The following UGT2B7 variants were observed in gnomAD, a reference collection of about 807,000 sequenced individuals.
UGT2B7 encodes the protein UDP glucuronosyltransferase family 2 member B7, also known as UDP-glucuronosyltransferase 2B7.
UGT2B7 carries 51 observed loss-of-function variants against 51.9 expected under a neutral mutation model. That is an observed-to-expected ratio of 0.98 (90% CI 0.78 to 1.24). UGT2B7 has a LOEUF of 1.24. UGT2B7 is among the 50% of genes most tolerant of loss of function. The probability of loss-of-function intolerance (pLI) is 0.00; values close to 1 mark genes in which losing one functional copy is unlikely to be tolerated. For synonymous variants in UGT2B7, 225 were observed against 211.6 expected, an observed-to-expected ratio of 1.06 and a Z score of -0.55; for missense variants, 727 against 628.4, an observed-to-expected ratio of 1.16 and a Z score of -1.68.
At position 69,108,300 on chromosome 4, in the gene UGT2B7, A is replaced by C. The variant is rs34851008; in HGVS notation, c.1288A>C (p.Lys430Gln). ...MSSTDLLNALKRVINDPSYKE... is the reference protein window; with the variant it reads ...MSSTDLLNALQRVINDPSYKE... ...GAGTACAGACTTGCTGAATGCATTGAAGAGAGTAATTAATGATCCTTCGTG... is the reference window on the plus strand; with the variant it reads ...GAGTACAGACTTGCTGAATGCATTGCAGAGAGTAATTAATGATCCTTCGTG... Residue 430 changes from lysine (K) to glutamine (Q), a missense_variant, in exon 5 of 6, where the codon AAG becomes CAG. Transcript: ENST00000305231. 40 of 1,613,394 alleles carry C rather than the reference A, an allele frequency of 2.5e-5. No individual in the cohort carries two copies. In the African/African-American group the frequency reaches 4.9e-4, roughly 20 times the overall value.
At chr4:69,063,164 A>G (rs941681924) in intron 1 of UGT2B7, among the ~76,000 whole-genome samples, 10 of 151,120 alleles carry the variant, frequency 6.6e-5, no homozygotes, top group African/African-American at 2.4e-4. Flanking sequence ...CTAAAAATAC[A>G]AAAAATTAGC....
intron 1 of UGT2B7, chr4:69,069,891 C>A (rs1381116601): frequency 2.0e-5 from 3 of 152,038 alleles, no homozygotes; most frequent in African/African-American, 7.2e-5. Flanking sequence ...GAGAGTACAT[C>A]TTTTTGAGAT....
intron 1 of UGT2B7, among the ~76,000 whole-genome samples, chr4:69,058,112 CAGG>C (rs1718249801): frequency 6.6e-6 from 1 of 152,196 alleles, no homozygotes; most frequent in South Asian, 2.1e-4. Flanking sequence ...GGGAAAGTCA[CAGG>C]AGCTTGTAGC....
chr4:69,090,793 T>C (rs1719068839), intron 2 of UGT2B7, among the ~76,000 whole-genome samples: 1 of 152,232 alleles, frequency 6.6e-6, no homozygotes, highest in Admixed American at 6.5e-5. Flanking sequence ...GTCTTGACTT[T>C]ACATGCCAAT....
chr4:69,060,054 G>C (rs1718309341), intron 1 of UGT2B7, among the ~76,000 whole-genome samples: 1 of 152,176 alleles, frequency 6.6e-6, no homozygotes, highest in Non-Finnish European at 1.5e-5. Context: ...CTTTGAAGAG[G>C]CACAGGCCTC....
chr4:69,075,351 C>CT (rs1718680196), intron 1 of UGT2B7, among the ~76,000 whole-genome samples: 1 of 151,736 alleles, frequency 6.6e-6, no homozygotes, highest in Admixed American at 6.6e-5. Flanking sequence ...TGTCTCTGTT[C>CT]GTCTGTCTGT....
intron 1 of UGT2B7, among the ~76,000 whole-genome samples, chr4:69,078,097 CT>C (rs924742625): frequency 1.3e-5 from 2 of 151,610 alleles, no homozygotes; most frequent in East Asian, 1.9e-4. Context: ...TCATGGATTC[CT>C]TTTTTTGATT....
In UGT2B7 at chr4:69,107,245, C is replaced by A; in HGVS notation, c.1073C>A (p.Pro358His). ...GLNTRLYKWI[P>H]QNDLLGHPKT... is the part of the protein sequence containing the mutation. The stretch of plus-strand genomic sequence containing the variant: ...AATACTCGGCTCTACAAGTGGATAC[C>A]CCAGAATGACCTTCTAGGTAAGACT... Residue 358 changes from proline to histidine, a missense_variant, in exon 4 of 6, where the codon CCC (proline) becomes CAC (histidine). Transcript: ENST00000305231. The A allele has an allele frequency of 2.5e-6, 4 of 1,607,892 alleles. No individual in the cohort carries two copies. Among genetic ancestry groups the A allele is most frequent in the Non-Finnish European group, 2.6e-6 (3 of 1,176,372 alleles).
chr4:69,095,653 A>C (rs1719203147), upstream of UGT2B7, among the ~76,000 whole-genome samples: 1 of 152,220 alleles, frequency 6.6e-6, no homozygotes, highest in African/African-American at 2.4e-5. Context: ...TTAATGCTGA[A>C]TGTACTACAA....
chr4:69,061,580 G>T (rs1387141916), intron 1 of UGT2B7, among the ~76,000 whole-genome samples: 1 of 152,184 alleles, frequency 6.6e-6, no homozygotes, highest in Non-Finnish European at 1.5e-5. Context: ...GAAGATGGTG[G>T]AAATTCTCCA....
At chr4:69,062,391 A>G (rs1448344300) in intron 1 of UGT2B7, among the ~76,000 whole-genome samples, 1 of 152,248 alleles carries the variant, frequency 6.6e-6, no homozygotes, top group Non-Finnish European at 1.5e-5. Flanking sequence ...GTATATGGCT[A>G]AGCGCAGGAA....
intron 1 of UGT2B7, among the ~76,000 whole-genome samples, chr4:69,053,580 G>A (rs1293740948): frequency 1.3e-5 from 2 of 152,176 alleles, no homozygotes; most frequent in Non-Finnish European, 2.9e-5. Flanking sequence ...ACAGCCTGGA[G>A]TAATAAGTCA....
chr4:69,077,507 G>C (rs1032148816), intron 1 of UGT2B7, among the ~76,000 whole-genome samples: 7 of 151,988 alleles, frequency 4.6e-5, no homozygotes, highest in African/African-American at 1.7e-4. Flanking sequence ...CACATCCCTT[G>C]TAAGTTGTAT....
intron 1 of UGT2B7, among the ~76,000 whole-genome samples, chr4:69,079,647 AT>A (rs886276229): frequency 2.0e-5 from 3 of 152,170 alleles, no homozygotes; most frequent in African/African-American, 7.2e-5. Context: ...CATTCTTAAC[AT>A]TTGTAAACCA....
At chr4:69,067,097 T>C (rs1047402410) in intron 1 of UGT2B7, among the ~76,000 whole-genome samples, 16 of 152,082 alleles carry the variant, frequency 1.1e-4, no homozygotes, top group African/African-American at 3.9e-4. Flanking sequence ...AGGGTGGTAA[T>C]GGGAAATGGG....
intron 1 of UGT2B7, among the ~76,000 whole-genome samples, chr4:69,055,098 T>TAAAAAAAAAAAAA (rs1178892377): frequency 1.3e-4 from 3 of 22,562 alleles, no homozygotes; most frequent in African/African-American, 6.0e-4. Flanking sequence ...AAGTAATAGC[T>TAAAAAAAAAAAAA]AAAAAAAAAA....
rs1222590427 is a variant in UGT2B7, at chr4:69,102,882, A to T, written c.946A>T (p.Met316Leu). The change falls in exon 3 of 6, where the codon ATG becomes TTG. Residue 316 changes from methionine (M) to leucine (L), a missense_variant. Met to Leu is a conservative substitution (Grantham distance 15). Transcript: ENST00000305231. ...VFSLGSMVSN[M>L]TEERANVIAS... Reference sequence around the variant, plus strand: ...TTCTCTGGGGTCAATGGTCAGTAACATGACAGAAGAAAGGGCCAACGTAAT... The same window carrying T: ...TTCTCTGGGGTCAATGGTCAGTAACTTGACAGAAGAAAGGGCCAACGTAAT... 6.2e-7 allele frequency: 1 copy of T among 1,613,688 alleles called. No homozygotes were observed. Among genetic ancestry groups the T allele is most frequent in the Non-Finnish European group, 8.5e-7 (1 of 1,179,724 alleles).
chr4:69,054,743 C>A (rs992407677), intron 1 of UGT2B7, among the ~76,000 whole-genome samples: 1 of 151,992 alleles, frequency 6.6e-6, no homozygotes, highest in Admixed American at 6.6e-5. Flanking sequence ...CCAGTCACAC[C>A]CAGAAGCTGA....
At chr4:69,063,283 T>C (rs1437779348) in intron 1 of UGT2B7, among the ~76,000 whole-genome samples, 18 of 124,070 alleles carry the variant, frequency 1.5e-4, no homozygotes, top group Admixed American at 7.4e-4. Context: ...CGTGCCACTG[T>C]ACTCCAGCCT....
Sources: allele counts gnomAD v4.1 joint callset (sites outside exome capture counted in the v4.1 genomes callset), GRCh38; gene constraint gnomAD v4.1.1; transcripts MANE v1.5; gene names NCBI Gene and HGNC (gene_info 2026-07-23, HGNC 2026-07-21).